Variants in TMEM108 observed in about 807,000 individuals in gnomAD.
The protein encoded by TMEM108 is cancer/testis antigen 124.
TMEM108 carries 12 observed loss-of-function variants against 35.1 expected under a neutral mutation model. The ratio of observed to expected loss-of-function variants is 0.34; its 90% CI spans 0.22 to 0.55. TMEM108 has a LOEUF of 0.55. Among genes scored for constraint, TMEM108 ranks in the 20% least tolerant of loss-of-function variants. TMEM108 has a pLI of 0.89. For synonymous variants in TMEM108, 287 were observed against 308.6 expected (o/e 0.93, Z 0.73); for missense variants, 680 against 753.3 (o/e 0.90, Z 1.14).
intron 2 of TMEM108, among the ~76,000 whole-genome samples, chr3:133,102,073 G>A (rs1284670363): frequency 2.6e-5 from 4 of 152,172 alleles, no homozygotes; most frequent in Admixed American, 2.6e-4. Flanking sequence ...ATATGATTAA[G>A]TTACGTGATT....
intron 3 of TMEM108, among the ~76,000 whole-genome samples, chr3:133,296,477 G>T (rs558667854): frequency 6.6e-6 from 1 of 151,876 alleles, no homozygotes; most frequent in Admixed American, 6.6e-5. Context: ...ATATCAACTA[G>T]CCAGGCTAAC....
intron 3 of TMEM108, among the ~76,000 whole-genome samples, chr3:133,333,292 C>G (rs898696911): frequency 6.6e-6 from 1 of 152,114 alleles, no homozygotes; most frequent in African/African-American, 2.4e-5. Flanking sequence ...CCAAAATAAA[C>G]TCTCTACATT....
intron 2 of TMEM108, among the ~76,000 whole-genome samples, chr3:133,137,622 A>T (rs1944583053): frequency 6.6e-6 from 1 of 152,164 alleles, no homozygotes; most frequent in Admixed American, 6.5e-5. Context: ...TTAAACTATT[A>T]CAGTTTCTGG....
chr3:133,246,571 C>G (rs1195287864), intron 3 of TMEM108: 1 of 152,078 alleles, frequency 6.6e-6, no homozygotes, highest in Admixed American at 6.6e-5. Flanking sequence ...TCTGGAAGCA[C>G]AGCTCAGGGC....
intron 2 of TMEM108, among the ~76,000 whole-genome samples, chr3:133,182,318 T>C (rs1422845612): frequency 6.6e-6 from 1 of 152,154 alleles, no homozygotes; most frequent in Admixed American, 6.5e-5. Context: ...GAAAATACAT[T>C]GGTTTGATTT....
intron 2 of TMEM108, among the ~76,000 whole-genome samples, chr3:133,109,496 A>G (rs1944200400): frequency 1.3e-5 from 2 of 152,128 alleles, no homozygotes; most frequent in Admixed American, 1.3e-4. Context: ...GGTACTGTGT[A>G]TCTCTGGGGA....
intron 3 of TMEM108, among the ~76,000 whole-genome samples, chr3:133,239,465 C>A (rs1312955238): frequency 6.6e-6 from 1 of 152,188 alleles, no homozygotes; most frequent in Non-Finnish European, 1.5e-5. Flanking sequence ...CAGACCCCGT[C>A]CCAGAGCAAT....
At chr3:133,056,052 C>T (rs1235883379) in intron 2 of TMEM108, among the ~76,000 whole-genome samples, 1 of 151,024 alleles carries the variant, frequency 6.6e-6, no homozygotes, top group African/African-American at 2.4e-5. Flanking sequence ...ACATACCCCT[C>T]CATTTTTTCC....
chr3:133,148,349 A>G (rs1200535846), intron 2 of TMEM108, among the ~76,000 whole-genome samples: 2 of 152,218 alleles, frequency 1.3e-5, no homozygotes, highest in African/African-American at 4.8e-5. Context: ...AGCTAGGCAA[A>G]TATAATAGCT....
Position 133,263,722 on chromosome 3 carries a change from G to A in TMEM108, c.40+34371G>A, listed in dbSNP as rs144575106. Among the ~76,000 whole-genome samples, 381 of 152,304 alleles carry A rather than the reference G, an allele frequency of 2.5e-3. 1 individual carries two copies. Among genetic ancestry groups the A allele is most frequent in the African/African-American group, 8.7e-3 (361 of 41,566 alleles). ...AAAACTATGTAATCAAAACTTGCAG[G>A]CAGCATTTGGGCAGGGTGGAGAAGT... On this transcript the variant is annotated intron_variant, in intron 3 of 5. Transcript: ENST00000321871.
At chr3:133,319,923 T>C (rs2071245192) in intron 3 of TMEM108, among the ~76,000 whole-genome samples, 1 of 152,096 alleles carries the variant, frequency 6.6e-6, no homozygotes, top group Non-Finnish European at 1.5e-5. Flanking sequence ...TCCACTGAAA[T>C]AGTCTACCCA....
chr3:133,141,460 C>A (rs1944639624), intron 2 of TMEM108, among the ~76,000 whole-genome samples: 2 of 152,210 alleles, frequency 1.3e-5, no homozygotes, highest in African/African-American at 4.8e-5. Context: ...GAGTCCACTT[C>A]AGTCACCTTA....
intron 2 of TMEM108, among the ~76,000 whole-genome samples, chr3:133,086,888 T>C (rs1943889939): frequency 6.6e-6 from 1 of 152,200 alleles, no homozygotes; most frequent in African/African-American, 2.4e-5. Context: ...CTCACTTCCA[T>C]GGTTACAGAA....
intron 3 of TMEM108, among the ~76,000 whole-genome samples, chr3:133,368,466 G>T (rs1559932088): frequency 6.6e-6 from 1 of 152,174 alleles, no homozygotes; most frequent in Non-Finnish European, 1.5e-5. Flanking sequence ...AGCTTACCAT[G>T]GCGGGAGCAA....
chr3:133,043,189 A>G (rs1215568245), intron 1 of TMEM108, among the ~76,000 whole-genome samples: 3 of 152,204 alleles, frequency 2.0e-5, no homozygotes, highest in Non-Finnish European at 4.4e-5. Flanking sequence ...TGGATAGGAG[A>G]ATCTTTCATA....
chr3:133,168,323 A>G (rs925698704), intron 2 of TMEM108, among the ~76,000 whole-genome samples: 1 of 152,166 alleles, frequency 6.6e-6, no homozygotes, highest in Non-Finnish European at 1.5e-5. Context: ...GGAAGCTGAG[A>G]AGTCTAAAGT....
At chr3:133,268,138 C>A (rs967549008) in intron 3 of TMEM108, among the ~76,000 whole-genome samples, 1 of 152,158 alleles carries the variant, frequency 6.6e-6, no homozygotes, top group East Asian at 1.9e-4. Context: ...GTGGGCATCA[C>A]GAAGCCATTG....
chr3:133,260,191 T>C (rs1162730824), intron 3 of TMEM108, among the ~76,000 whole-genome samples: 2 of 152,258 alleles, frequency 1.3e-5, no homozygotes, highest in African/African-American at 2.4e-5. Context: ...ATTGGATACC[T>C]ACTGTGTGCC....
intron 2 of TMEM108, among the ~76,000 whole-genome samples, chr3:133,195,617 C>T (rs772074221): frequency 6.6e-5 from 10 of 151,994 alleles, no homozygotes; most frequent in Non-Finnish European, 1.0e-4. Context: ...TCCTTGAGTC[C>T]GCGGGATATA....
Sources: allele counts gnomAD v4.1 joint callset (sites outside exome capture counted in the v4.1 genomes callset), GRCh38; gene constraint gnomAD v4.1.1; transcripts MANE v1.5; gene names NCBI Gene and HGNC (gene_info 2026-07-23, HGNC 2026-07-21).